The following RIMS2 variants were observed in gnomAD, a reference collection of about 807,000 sequenced individuals.
RIMS2 encodes regulating synaptic membrane exocytosis protein 2.
Under a neutral mutation model 174.4 loss-of-function variants are expected in RIMS2, and 59 were observed. That is an observed-to-expected ratio of 0.34 (90% CI 0.27 to 0.42). RIMS2 has a LOEUF of 0.42. Among genes scored for constraint, RIMS2 ranks in the 10% least tolerant of loss-of-function variants. RIMS2 has a pLI of 1.00. For synonymous variants in RIMS2, 606 were observed against 572.5 expected, an observed-to-expected ratio of 1.06 and a Z score of -0.84; for missense variants, 1,620 against 1,666.3, an observed-to-expected ratio of 0.97 and a Z score of 0.48.
Position 103,910,085 on chromosome 8 carries a change from C to T in RIMS2, c.1625-49C>T, listed in dbSNP as rs562295256. The T allele has an allele frequency of 3.5e-6, 4 of 1,135,246 alleles. No individual in the cohort carries two copies. In the South Asian group the frequency reaches 3.9e-5, roughly 11 times the overall value. 70.3% of individuals were successfully genotyped at this position (1,135,246 alleles called of 1,614,324 possible). A position where few individuals can be genotyped will look rare whatever the true frequency, so the allele number is the denominator to read the frequency against. On this transcript the variant is annotated intron_variant, in intron 4 of 23. Transcript: ENST00000504942. ...AATGTTTATAATGTCTCTGTCTGTCCCTTTTTTCACCATCTCCTTTACTGC... is the reference window on the plus strand; with the variant it reads ...AATGTTTATAATGTCTCTGTCTGTCTCTTTTTTCACCATCTCCTTTACTGC...
intron 1 of RIMS2, among the ~76,000 whole-genome samples, chr8:103,677,898 A>G (rs963708784): frequency 2.0e-5 from 3 of 152,048 alleles, no homozygotes; most frequent in Admixed American, 6.6e-5. Context: ...TGCCTTATTT[A>G]TTTATTCTGT....
chr8:103,501,087 G>T (rs372533352), intron 1 of RIMS2, 25 bp downstream of exon 1: 2 of 1,541,934 alleles, frequency 1.3e-6, no homozygotes, highest in South Asian at 1.2e-5. Context: ...CCATATTCCC[G>T]CCTCTCTCCC....
chr8:104,019,696 G>T (rs1426088293), intron 19 of RIMS2, among the ~76,000 whole-genome samples: 1 of 152,096 alleles, frequency 6.6e-6, no homozygotes, highest in Non-Finnish European at 1.5e-5. Flanking sequence ...CTAACTTTTA[G>T]AATGTCACCC....
At chr8:103,952,665 CA>C (rs903986707) in intron 14 of RIMS2, among the ~76,000 whole-genome samples, 2 of 152,130 alleles carry the variant, frequency 1.3e-5, no homozygotes, top group Admixed American at 6.5e-5. Context: ...GAAACCAGTG[CA>C]AAAAGGCTGA....
At chr8:103,778,498 G>C (rs1592155029) in intron 3 of RIMS2, among the ~76,000 whole-genome samples, 3 of 152,104 alleles carry the variant, frequency 2.0e-5, no homozygotes, top group Admixed American at 6.6e-5. Context: ...ACATGAGTGA[G>C]AACATGTAAT....
chr8:103,611,658 T>C lies in RIMS2; in HGVS notation c.177-85428T>C, dbSNP rs138325223. 2.8e-3 allele frequency among the ~76,000 whole-genome samples: 418 copies of C among 151,786 alleles called. 3 individuals are homozygous for C. Among genetic ancestry groups the C allele is most frequent in the African/African-American group, 9.6e-3 (398 of 41,542 alleles). ...GCCACCAGACATATTGGAGCTACATTGTATGTTATTTGTTACTTTTTTTTT... is the reference window on the plus strand; with the variant it reads ...GCCACCAGACATATTGGAGCTACATCGTATGTTATTTGTTACTTTTTTTTT... On this transcript the variant is annotated intron_variant, in intron 1 of 23. Transcript: ENST00000504942.
At chr8:103,725,900 T>C (rs1339424209) in intron 2 of RIMS2, among the ~76,000 whole-genome samples, 1 of 152,220 alleles carries the variant, frequency 6.6e-6, no homozygotes, top group Admixed American at 6.5e-5. Context: ...TATTTCCATT[T>C]TTCTAATGAT....
chr8:103,907,739 T>C (rs2074757523), intron 4 of RIMS2, among the ~76,000 whole-genome samples: 1 of 151,556 alleles, frequency 6.6e-6, no homozygotes, highest in East Asian at 1.9e-4. Context: ...TATTTTATTT[T>C]ATTTTTATTT....
At chr8:103,768,683 C>T (rs2098210719) in intron 3 of RIMS2, 1 of 779,398 alleles carries the variant, frequency 1.3e-6, no homozygotes, top group Non-Finnish European at 2.4e-6. Context: ...CACCTGGGGC[C>T]CAAAAGAGCT....
At position 103,728,745 on chromosome 8, in the gene RIMS2, C is replaced by CTTTTTTTTTTTTTT. The variant is rs1311572866; in HGVS notation, c.387+31451_387+31452insTTTTTTTTTTTTTT. ...GCTTTTATTTTGTTGAGGTATGCTC[C>CTTTTTTTTTTTTTT]TTCTTTTTTTTTTTTTTTTTTTAGG... On this transcript the variant is annotated intron_variant, in intron 2 of 23. Coordinates refer to ENST00000504942, the Ensembl canonical transcript of RIMS2. 1.6e-3 allele frequency among the ~76,000 whole-genome samples: 112 copies of CTTTTTTTTTTTTTT among 68,088 alleles called. 1 individual carries two copies. Among genetic ancestry groups the CTTTTTTTTTTTTTT allele is most frequent in the African/African-American group, 8.1e-3 (104 of 12,820 alleles). 44.7% of individuals were successfully genotyped at this position (68,088 alleles called of 152,430 possible).
chr8:103,970,947 A>G (rs1450604494), intron 15 of RIMS2, among the ~76,000 whole-genome samples: 1 of 152,104 alleles, frequency 6.6e-6, no homozygotes, highest in Non-Finnish European at 1.5e-5. Context: ...TTGCATTGTT[A>G]ATGTTCTTTA....
chr8:104,154,777 T>C lies in RIMS2; in HGVS notation c.3335-90139T>C, dbSNP rs112168356. Among the ~76,000 whole-genome samples, 10 of 152,320 alleles carry C rather than the reference T, an allele frequency of 6.6e-5. 1 individual carries two copies. The highest frequency in any genetic ancestry group is 1.9e-4 in the African/African-American group (8 of 41,570). ...CACAGTACTTTAAAGTAACTGTTGTTATAACATTTAGCAACTGTAATCATT... is the reference window on the plus strand; with the variant it reads ...CACAGTACTTTAAAGTAACTGTTGTCATAACATTTAGCAACTGTAATCATT... On this transcript the variant is annotated intron_variant, in intron 19 of 23. Transcript: ENST00000504942.
At chr8:103,501,536 G>A (rs34875493) in intron 1 of RIMS2, 17,820 of 153,306 alleles carry the variant, frequency 0.12, 1,391 homozygotes, top group Non-Finnish European at 0.17. Flanking sequence ...CCACGCCTCC[G>A]CGGGGCGGCT....
intron 19 of RIMS2, among the ~76,000 whole-genome samples, chr8:104,181,523 C>T (rs73301327): frequency 0.021 from 3,163 of 151,612 alleles, 94 homozygotes; most frequent in African/African-American, 0.067. Context: ...AACTGTACTA[C>T]TGAGTCCATT....
At chr8:104,044,969 A>G (rs2096668931) in intron 19 of RIMS2, among the ~76,000 whole-genome samples, 1 of 151,882 alleles carries the variant, frequency 6.6e-6, no homozygotes, top group African/African-American at 2.4e-5. Context: ...TTTTGTGACA[A>G]GCAATTCAGA....
chr8:103,526,501 A>G (rs530620581), intron 1 of RIMS2, among the ~76,000 whole-genome samples: 97 of 152,342 alleles, frequency 6.4e-4, no homozygotes, highest in African/African-American at 2.3e-3. Context: ...GTAATAGACC[A>G]ACAGGGGATT....
chr8:104,082,196 G>T (rs2154563375), intron 19 of RIMS2, among the ~76,000 whole-genome samples: 1 of 152,020 alleles, frequency 6.6e-6, no homozygotes, highest in South Asian at 2.1e-4. Flanking sequence ...GAAGGGAAAG[G>T]GGATGAAGAG....
At chr8:103,631,037 T>C (rs956622126) in intron 1 of RIMS2, among the ~76,000 whole-genome samples, 6 of 152,224 alleles carry the variant, frequency 3.9e-5, no homozygotes, top group Non-Finnish European at 8.8e-5. Context: ...GTCAGATGCA[T>C]AGTTCACAAA....
chr8:103,961,194 C>T (rs2089940243), intron 15 of RIMS2, 61 bp downstream of exon 17: 1 of 808,554 alleles, frequency 1.2e-6, no homozygotes, highest in Non-Finnish European at 2.1e-6. Context: ...CATCATTTAC[C>T]ATAAAAGTAA....
Sources: allele counts gnomAD v4.1 joint callset (sites outside exome capture counted in the v4.1 genomes callset), GRCh38; gene constraint gnomAD v4.1.1; transcripts MANE v1.5; gene names NCBI Gene and HGNC (gene_info 2026-07-23, HGNC 2026-07-21).